Variants in SNX29 observed in about 807,000 individuals in gnomAD.
SNX29 encodes sorting nexin 29, also known as sorting nexin-29.
In SNX29, 78 loss-of-function variants were observed where a neutral mutation model predicts 102.1. The observed-to-expected ratio is 0.76, with a 90% CI of 0.64 to 0.92. The LOEUF (loss-of-function observed/expected upper bound fraction) is 0.92, where lower values mean the gene tolerates loss of function less well. Ranked by LOEUF, SNX29 falls within the 40% of genes least tolerant of loss-of-function variation. The pLI is 0.00. For missense variants in SNX29, 1,280 were observed against 1,061.7 expected (o/e 1.21, Z -2.86); for synonymous variants, 580 against 414.5 (o/e 1.40, Z -4.85).
intron 13 of SNX29, among the ~76,000 whole-genome samples, chr16:12,189,010 C>T (rs957364853): frequency 1.3e-5 from 2 of 152,114 alleles, no homozygotes; most frequent in African/African-American, 2.4e-5. Context: ...GGGAGTGGCT[C>T]CCAGGTGCCA....
chr16:12,006,984 C>T (rs1273256655), intron 3 of SNX29, among the ~76,000 whole-genome samples: 1 of 152,122 alleles, frequency 6.6e-6, no homozygotes, highest in South Asian at 2.1e-4. Context: ...CTACGTTAGA[C>T]GTTTTGGAAC....
At chr16:12,339,395 G>C (rs201963065) in intron 15 of SNX29, among the ~76,000 whole-genome samples, 1 of 68,356 alleles carries the variant, frequency 1.5e-5, no homozygotes, top group African/African-American at 7.0e-5. Flanking sequence ...AAAAAAAAAA[G>C]ATTATGGGTA....
intron 15 of SNX29, among the ~76,000 whole-genome samples, chr16:12,337,856 C>T (rs867421211): frequency 1.4e-4 from 22 of 152,270 alleles, no homozygotes; most frequent in Non-Finnish European, 2.5e-4. Context: ...TCTTTATGTC[C>T]TGGGTATAAA....
At chr16:12,021,895 A>C (rs1322191337) in intron 3 of SNX29, among the ~76,000 whole-genome samples, 1 of 152,014 alleles carries the variant, frequency 6.6e-6, no homozygotes, top group Non-Finnish European at 1.5e-5. Flanking sequence ...CATCTCAAAA[A>C]AAAAAAAAAG....
In SNX29 at chr16:12,323,517, T is replaced by A. The variant is rs1392390231; in HGVS notation, c.1783-32646T>A. Among the ~76,000 whole-genome samples, 449 of 146,450 alleles carry A rather than the reference T, an allele frequency of 3.1e-3. 1 individual carries two copies. The highest frequency in any genetic ancestry group is 8.6e-3 in the Admixed American group (126 of 14,678). On this transcript the variant is annotated intron_variant, in intron 15 of 20. Coordinates refer to ENST00000566228, the MANE Select transcript of SNX29 (RefSeq NM_032167.5). ...GCCACTGTAGTCTGCCTAGAGGTTT[T>A]AAAAAAAAAAAAAAATGGTGAACAA...
chr16:12,306,417 C>T (rs759018629), intron 15 of SNX29, among the ~76,000 whole-genome samples: 15 of 151,790 alleles, frequency 9.9e-5, no homozygotes, highest in Non-Finnish European at 2.1e-4. Flanking sequence ...CAATGTCCTC[C>T]AGTATAAAAC....
intron 16 of SNX29, among the ~76,000 whole-genome samples, chr16:12,397,697 A>G (rs190484731): frequency 1.3e-5 from 2 of 152,290 alleles, no homozygotes; most frequent in East Asian, 1.9e-4. Flanking sequence ...ATCTACCACT[A>G]CTGGGCATTT....
At chr16:12,323,434 G>C (rs1164461298) in intron 15 of SNX29, among the ~76,000 whole-genome samples, 3 of 150,932 alleles carry the variant, frequency 2.0e-5, no homozygotes, top group African/African-American at 7.3e-5. Flanking sequence ...GCCATCAATA[G>C]AAAAATAACT....
rs1445311197 is a variant in SNX29 at position 12,356,252 on chromosome 16, G to C, written c.1872G>C (p.Arg624Ser). Reference sequence around the variant, plus strand: ...AGGAAGCCCTCGTGTCCCAGATGAGGCAGGAGCTCATCGATCTCCGGGGAC... The same window carrying C: ...AGGAAGCCCTCGTGTCCCAGATGAGCCAGGAGCTCATCGATCTCCGGGGAC... ...VAKEALVSQM[R>S]QELIDLRGPV... The change falls in exon 16 of 21, where the codon AGG becomes AGC. Residue 624 changes from arginine (R) to serine (S), a missense_variant. Coordinates refer to ENST00000566228, the MANE Select transcript of SNX29 (RefSeq NM_032167.5). 6.2e-7 allele frequency: 1 copy of C among 1,611,540 alleles called. No individual in the cohort carries two copies. The highest frequency in any genetic ancestry group is 1.1e-5 in the South Asian group (1 of 90,282).
At chr16:12,540,647 CA>C (rs1694844379) in intron 20 of SNX29, among the ~76,000 whole-genome samples, 1 of 152,210 alleles carries the variant, frequency 6.6e-6, no homozygotes, top group Non-Finnish European at 1.5e-5. Context: ...CTCCCCATCT[CA>C]AAAGCCTGAA....
intron 15 of SNX29, among the ~76,000 whole-genome samples, chr16:12,332,799 A>T (rs907399808): frequency 6.6e-6 from 1 of 151,798 alleles, no homozygotes; most frequent in Non-Finnish European, 1.5e-5. Context: ...GTCAGTCCTC[A>T]CGGTCCTGTC....
intron 20 of SNX29, among the ~76,000 whole-genome samples, chr16:12,563,827 A>G (rs4780448): frequency 0.59 from 89,346 of 152,084 alleles, 26,670 homozygotes; most frequent in Middle Eastern, 0.72. Context: ...TTATTTATTC[A>G]GGCTGCCTGT....
At position 12,568,572 on chromosome 16, in the gene SNX29, GTCCCGGGGTC is replaced by G; in HGVS notation, c.2386_2395del (p.Arg797ProfsTer44). 6.2e-7 allele frequency: 1 copy of G among 1,607,964 alleles called. No homozygotes were observed. Among genetic ancestry groups the G allele is most frequent in the Non-Finnish European group, 8.5e-7 (1 of 1,179,832 alleles). ...AAGCAGCTTCCCGCTTCCCCAAACTGTCCCGGGGTCAGCCCCGGGAGACCCGCAACGTGGA... is the reference window on the plus strand; with the variant it reads ...AAGCAGCTTCCCGCTTCCCCAAACTGAGCCCCGGGAGACCCGCAACGTGGA... On this transcript the variant is annotated frameshift_variant, in exon 21 of 21. Coordinates refer to ENST00000566228, the MANE Select transcript of SNX29 (RefSeq NM_032167.5). LOFTEE classifies it high-confidence loss of function.
At chr16:12,209,695 C>G (rs1447398343) in intron 14 of SNX29, among the ~76,000 whole-genome samples, 2 of 152,176 alleles carry the variant, frequency 1.3e-5, no homozygotes, top group African/African-American at 4.8e-5. Flanking sequence ...GACGTGAGAC[C>G]AGCAGTGGCC....
rs545093629 is a variant in SNX29 at position 12,320,539 on chromosome 16, A to G, written c.1783-35624A>G. 1.1e-4 allele frequency among the ~76,000 whole-genome samples: 17 copies of G among 152,342 alleles called. No homozygotes were observed. The South Asian group carries it at 3.3e-3, about 30-fold the overall frequency. On this transcript the variant is annotated intron_variant, in intron 15 of 20. Coordinates refer to ENST00000566228, the MANE Select transcript of SNX29 (RefSeq NM_032167.5). ...TTACTGGTGCTTTTTTGGTGACCTC[A>G]CTGGAGAATACTTAAGATTAACCAT...
At chr16:12,013,039 A>ACTTCGTCTCAAAAAAAAGGAGAAAAGGG (rs1567524911) in intron 3 of SNX29, among the ~76,000 whole-genome samples, 1 of 151,600 alleles carries the variant, frequency 6.6e-6, no homozygotes, top group East Asian at 2.0e-4. Context: ...GTGGGGTGAG[A>ACTTCGTCTCAAAAAAAAGGAGAAAAGGG]TGGAATCTGG....
At chr16:12,237,000 C>T (rs914486702) in intron 14 of SNX29, among the ~76,000 whole-genome samples, 1 of 152,194 alleles carries the variant, frequency 6.6e-6, no homozygotes, top group Non-Finnish European at 1.5e-5. Flanking sequence ...AAGGTTGGTG[C>T]AGGCTTGGAC....
intron 13 of SNX29, among the ~76,000 whole-genome samples, chr16:12,173,027 G>A (rs1011574802): frequency 6.6e-6 from 1 of 152,168 alleles, no homozygotes; most frequent in Non-Finnish European, 1.5e-5. Flanking sequence ...CAGACCAGGT[G>A]GTCTCTGGTA....
At chr16:12,374,495 G>C (rs2082801622) in intron 16 of SNX29, 1 of 152,338 alleles carries the variant, frequency 6.6e-6, no homozygotes, top group African/African-American at 2.4e-5. Flanking sequence ...GGTGATCGTA[G>C]AGTGATGTTA....
Sources: allele counts gnomAD v4.1 joint callset (sites outside exome capture counted in the v4.1 genomes callset), GRCh38; gene constraint gnomAD v4.1.1; transcripts MANE v1.5; gene names NCBI Gene and HGNC (gene_info 2026-07-23, HGNC 2026-07-21).